The following LRRFIP2 variants were observed in gnomAD, a reference collection of about 807,000 sequenced individuals.
LRRFIP2 encodes leucine-rich repeat flightless-interacting protein 2.
Under a neutral mutation model 125.9 loss-of-function variants are expected in LRRFIP2, and 109 were observed. The ratio of observed to expected loss-of-function variants is 0.87; its 90% CI spans 0.74 to 1.01. The LOEUF (loss-of-function observed/expected upper bound fraction) is 1.01. LRRFIP2 is among the 50% of genes least tolerant of loss of function. The pLI is 0.00. For synonymous variants in LRRFIP2, 291 were observed against 293.1 expected (o/e 0.99, Z 0.07); for missense variants, 850 against 862.3 (o/e 0.99, Z 0.18).
Position 37,111,076 on chromosome 3 carries a change from C to G in LRRFIP2, c.439-11G>C, listed in dbSNP as rs749609694. The G allele has an allele frequency of 3.0e-5, 48 of 1,608,716 alleles. 1 individual carries two copies. In the Middle Eastern group the frequency reaches 8.2e-4, roughly 28 times the overall value. Reference sequence around the variant, plus strand: ...AAAGTAGAGGCCACTCTGCAAAAAGCAAAATTAAACACATTTTTCTTAGGC... The same window carrying G: ...AAAGTAGAGGCCACTCTGCAAAAAGGAAAATTAAACACATTTTTCTTAGGC... On this transcript the variant is annotated splice_polypyrimidine_tract_variant and intron_variant, in intron 8 of 27. Coordinates refer to ENST00000336686, the MANE Select transcript of LRRFIP2 (RefSeq NM_006309.4).
At chr3:37,103,077 A>T in intron 14 of LRRFIP2, 64 bp from the exon 15 acceptor site, 1 of 1,289,196 alleles carries the variant, frequency 7.8e-7, no homozygotes, top group South Asian at 1.4e-5. Flanking sequence ...AAAAATAAGA[A>T]CATTGGCCAA....
intron 8 of LRRFIP2, among the ~76,000 whole-genome samples, chr3:37,112,275 G>T (rs578049000): frequency 9.3e-5 from 14 of 150,660 alleles, no homozygotes; most frequent in Non-Finnish European, 1.5e-4. Flanking sequence ...GGTGGAGGTT[G>T]CAGTGAGCCG....
At chr3:37,112,361 A>AAAAAAG (rs1353835575) in intron 8 of LRRFIP2, among the ~76,000 whole-genome samples, 2 of 151,836 alleles carry the variant, frequency 1.3e-5, no homozygotes, top group Non-Finnish European at 2.9e-5. Context: ...AAAGAAAAGA[A>AAAAAAG]AAAAAGAAAA....
intron 19 of LRRFIP2, among the ~76,000 whole-genome samples, chr3:37,079,810 AAAG>A (rs2092464566): frequency 6.6e-6 from 1 of 152,208 alleles, no homozygotes; most frequent in Admixed American, 6.5e-5. Flanking sequence ...ACGCTAAGCG[AAAG>A]AAGCCAGTCA....
chr3:37,151,588 C>CT lies in LRRFIP2; in HGVS notation c.-55-2551dup, dbSNP rs891172583. Among the ~76,000 whole-genome samples the CT allele has an allele frequency of 2.4e-4, 35 of 145,174 alleles. No homozygotes were observed. The South Asian group carries it at 5.5e-3, about 23-fold the overall frequency. ...ACTATGGAAAACAATATGAAGATTT[C>CT]TTTTTTTTTTCTTTTTTTTTTTTTG... On this transcript the variant is annotated intron_variant, in intron 1 of 27. Coordinates refer to ENST00000336686, the MANE Select transcript of LRRFIP2 (RefSeq NM_006309.4).
At chr3:37,108,000 T>C in intron 13 of LRRFIP2, 73 bp downstream of exon 13, 1 of 1,255,572 alleles carries the variant, frequency 8.0e-7, no homozygotes. Flanking sequence ...ATCCTCAATA[T>C]TCTAAACAGT....
At chr3:37,101,391 G>A (rs990635271) in intron 15 of LRRFIP2, among the ~76,000 whole-genome samples, 4 of 151,380 alleles carry the variant, frequency 2.6e-5, no homozygotes, top group African/African-American at 4.8e-5. Context: ...TTGGCCAGAA[G>A]TGATGGCTCA....
chr3:37,059,959 GC>G (rs1216032354), intron 24 of LRRFIP2, among the ~76,000 whole-genome samples: 8 of 152,010 alleles, frequency 5.3e-5, no homozygotes, highest in Admixed American at 1.3e-4. Context: ...TACTTCCCAG[GC>G]ACCTCTGCCC....
At chr3:37,114,512 A>T (rs2094689022) in intron 7 of LRRFIP2, among the ~76,000 whole-genome samples, 1 of 152,050 alleles carries the variant, frequency 6.6e-6, no homozygotes, top group Non-Finnish European at 1.5e-5. Context: ...GCTGGGCATG[A>T]TGGCTCACAT....
chr3:37,156,038 C>T (rs2096179514), intron 1 of LRRFIP2, among the ~76,000 whole-genome samples: 1 of 152,018 alleles, frequency 6.6e-6, no homozygotes. Context: ...CTGCATTTGG[C>T]GAATTTTTGT....
At chr3:37,154,722 C>T (rs1198388784) in intron 1 of LRRFIP2, 2 of 152,270 alleles carry the variant, frequency 1.3e-5, no homozygotes, top group Non-Finnish European at 2.9e-5. Context: ...ATATAATATA[C>T]GTCTGAAACA....
chr3:37,102,719 C>G (rs2094129080), intron 15 of LRRFIP2, among the ~76,000 whole-genome samples: 1 of 151,960 alleles, frequency 6.6e-6, no homozygotes, highest in Non-Finnish European at 1.5e-5. Context: ...CCAGGCTGGT[C>G]TCGAACTCCT....
chr3:37,168,652 T>C (rs1310940342), intron 1 of LRRFIP2, among the ~76,000 whole-genome samples: 1 of 152,216 alleles, frequency 6.6e-6, no homozygotes, highest in Non-Finnish European at 1.5e-5. Context: ...TTAAAAATGG[T>C]TTAAATGATA....
chr3:37,171,463 A>C (rs1249410170), intron 1 of LRRFIP2, among the ~76,000 whole-genome samples: 2 of 151,102 alleles, frequency 1.3e-5, no homozygotes, highest in Admixed American at 6.6e-5. Context: ...TTTTCTCTCT[A>C]GTGTCTCTCT....
At chr3:37,091,421 C>A (rs772675830) in intron 18 of LRRFIP2, 46 bp downstream of exon 18, 13 of 1,504,636 alleles carry the variant, frequency 8.6e-6, no homozygotes, top group Non-Finnish European at 1.1e-5. Context: ...ATTGCCAACA[C>A]TTCTGCATAC....
intron 2 of LRRFIP2, among the ~76,000 whole-genome samples, chr3:37,134,181 CA>C (rs35540438): frequency 0.45 from 49,186 of 110,466 alleles, 8,885 homozygotes; most frequent in Non-Finnish European, 0.51. Flanking sequence ...GACTCTGTCT[CA>C]AAAAAAAAAA....
rs186260812 is a variant in LRRFIP2 at position 37,168,679 on chromosome 3, C to A, written c.-56+5860G>T. On this transcript the variant is annotated intron_variant, in intron 1 of 27. Coordinates refer to ENST00000336686, the MANE Select transcript of LRRFIP2 (RefSeq NM_006309.4). ...TAAATGATAAATTTTAAGTTATGTA[C>A]ACAGTCATGTGCTGCATAAGGATGT... Among the ~76,000 whole-genome samples the A allele has an allele frequency of 7.9e-5, 12 of 152,334 alleles. No homozygotes were observed. In the East Asian group the frequency reaches 2.3e-3, roughly 29 times the overall value.
At chr3:37,155,880 G>GC (rs1553812705) in intron 1 of LRRFIP2, among the ~76,000 whole-genome samples, 2 of 151,218 alleles carry the variant, frequency 1.3e-5, no homozygotes, top group Non-Finnish European at 1.5e-5. Context: ...TTTAAAAAAA[G>GC]TTTTTTTTTG....
intron 15 of LRRFIP2, among the ~76,000 whole-genome samples, chr3:37,097,722 A>C (rs1421681911): frequency 6.6e-6 from 1 of 152,186 alleles, no homozygotes; most frequent in East Asian, 1.9e-4. Context: ...GGTACCTTAA[A>C]AGTCTAGTCC....
Sources: gnomAD v4.1 joint callset for allele counts (sites outside exome capture counted in the v4.1 genomes callset) on GRCh38, gnomAD v4.1.1 for gene constraint, MANE v1.5 for transcripts, NCBI Gene and HGNC (gene_info 2026-07-23, HGNC 2026-07-21) for gene names.